ROBO1: variants seen among roughly 807,000 people sequenced by gnomAD.
The protein encoded by ROBO1 is roundabout guidance receptor 1, also known as roundabout homolog 1.
In ROBO1, 149 loss-of-function variants were observed where a neutral mutation model predicts 195.9. That is an observed-to-expected ratio of 0.76 (90% CI 0.67 to 0.87). The LOEUF (loss-of-function observed/expected upper bound fraction) is 0.87, where lower values mean the gene tolerates loss of function less well. Among genes scored for constraint, ROBO1 ranks in the 40% least tolerant of loss-of-function variants. The pLI, the probability that ROBO1 is intolerant of heterozygous loss-of-function variation, is 0.00. For missense variants in ROBO1, 1,933 were observed against 2,068.3 expected (o/e 0.93, Z 1.27); for synonymous variants, 816 against 733.2 (o/e 1.11, Z -1.82).
intron 2 of ROBO1, among the ~76,000 whole-genome samples, chr3:79,363,787 C>T (rs548045373): frequency 2.2e-4 from 34 of 152,288 alleles, no homozygotes; most frequent in African/African-American, 7.9e-4. Flanking sequence ...TTCCTTTCTT[C>T]ATTGTGACTT....
intron 2 of ROBO1, among the ~76,000 whole-genome samples, chr3:79,447,234 A>AGG (rs1215747458): frequency 6.6e-6 from 1 of 152,188 alleles, no homozygotes; most frequent in African/African-American, 2.4e-5. Flanking sequence ...ACAAGCAATA[A>AGG]CATGACATCA....
intron 3 of ROBO1, among the ~76,000 whole-genome samples, chr3:79,020,023 A>G (rs2078066129): frequency 6.6e-6 from 1 of 152,214 alleles, no homozygotes; most frequent in Non-Finnish European, 1.5e-5. Context: ...CATAAGGCAC[A>G]GGGTTGGGCC....
At chr3:79,278,105 C>T (rs1488962626) in intron 2 of ROBO1, among the ~76,000 whole-genome samples, 3 of 151,622 alleles carry the variant, frequency 2.0e-5, no homozygotes, top group African/African-American at 4.8e-5. Flanking sequence ...ATAAATTTAG[C>T]AAGGAGATGA....
At chr3:78,745,263 G>A (rs538636792) in intron 5 of ROBO1, among the ~76,000 whole-genome samples, 2 of 148,010 alleles carry the variant, frequency 1.4e-5, no homozygotes, top group South Asian at 2.1e-4. Context: ...AGCCGAGATC[G>A]TGCCACTGCA....
intron 2 of ROBO1, among the ~76,000 whole-genome samples, chr3:79,350,465 G>C (rs992117688): frequency 3.9e-5 from 6 of 152,116 alleles, no homozygotes; most frequent in Non-Finnish European, 7.4e-5. Flanking sequence ...ATGAAAACAT[G>C]TCCATATAAA....
intron 3 of ROBO1, among the ~76,000 whole-genome samples, chr3:79,098,480 G>T (rs1473970280): frequency 2.6e-5 from 4 of 151,762 alleles, no homozygotes; most frequent in Non-Finnish European, 5.9e-5. Context: ...ATTCTCAGGG[G>T]CTGTCTGTCT....
intron 5 of ROBO1, among the ~76,000 whole-genome samples, chr3:78,735,474 A>G (rs2082372998): frequency 6.6e-6 from 1 of 152,142 alleles, no homozygotes; most frequent in Admixed American, 6.5e-5. Flanking sequence ...TACTATTTAA[A>G]TTGCTGCAAT....
At chr3:79,322,132 A>G (rs1423676173) in intron 2 of ROBO1, among the ~76,000 whole-genome samples, 1 of 152,140 alleles carries the variant, frequency 6.6e-6, no homozygotes, top group Non-Finnish European at 1.5e-5. Context: ...TACTTAAACA[A>G]ATTATGCTAT....
chr3:78,778,704 T>C (rs2083578912), intron 4 of ROBO1, among the ~76,000 whole-genome samples: 1 of 152,136 alleles, frequency 6.6e-6, no homozygotes, highest in Non-Finnish European at 1.5e-5. Context: ...AAGTAATTTA[T>C]AGATTCAACG....
chr3:79,523,461 C>CTTTTTTTTTTTTTTTTTTTTTTTTTT (rs11357931), intron 2 of ROBO1, among the ~76,000 whole-genome samples: 1 of 134,822 alleles, frequency 7.4e-6, no homozygotes, highest in African/African-American at 2.8e-5. Context: ...ATTTTTCTTT[C>CTTTTTTTTTTTTTTTTTTTTTTTTTT]TTTTTTTTTT....
At chr3:78,718,720 A>G (rs893816386) in intron 5 of ROBO1, among the ~76,000 whole-genome samples, 3 of 151,454 alleles carry the variant, frequency 2.0e-5, no homozygotes, top group African/African-American at 4.9e-5. Flanking sequence ...TTATTAGGGA[A>G]AATTTCCAGA....
intron 28 of ROBO1, among the ~76,000 whole-genome samples, chr3:78,609,090 A>G (rs1278959769): frequency 6.6e-6 from 1 of 152,216 alleles, no homozygotes; most frequent in Non-Finnish European, 1.5e-5. Context: ...TAGAAATGGT[A>G]ACGTTTTCAC....
chr3:78,635,674 A>G, intron 23 of ROBO1, 99 bp downstream of exon 23: 2 of 1,075,204 alleles, frequency 1.9e-6, no homozygotes, highest in Non-Finnish European at 2.6e-6. Context: ...CGACAGAAGA[A>G]AAGATTTTAC....
chr3:78,926,988 A>C, intron 4 of ROBO1, among the ~76,000 whole-genome samples: 1 of 148,774 alleles, frequency 6.7e-6, no homozygotes, highest in Non-Finnish European at 1.5e-5. Flanking sequence ...AGAATATTTC[A>C]AAAAAAAAAG....
chr3:79,168,251 C>A (rs1282482734), intron 2 of ROBO1, among the ~76,000 whole-genome samples: 1 of 152,104 alleles, frequency 6.6e-6, no homozygotes, highest in African/African-American at 2.4e-5. Flanking sequence ...CTTTAGTCAT[C>A]GCCCTGCTAA....
At chr3:78,983,105 C>T (rs2077034783) in intron 3 of ROBO1, among the ~76,000 whole-genome samples, 1 of 152,074 alleles carries the variant, frequency 6.6e-6, no homozygotes, top group Non-Finnish European at 1.5e-5. Flanking sequence ...GATGGGGTAT[C>T]ACCATGTTAC....
intron 28 of ROBO1, among the ~76,000 whole-genome samples, chr3:78,610,213 T>C (rs1371682681): frequency 6.6e-6 from 1 of 152,186 alleles, no homozygotes; most frequent in Non-Finnish European, 1.5e-5. Context: ...AGATCGACAG[T>C]GTCACAAGTG....
chr3:79,606,212 G>C (rs1342688923), intron 1 of ROBO1, among the ~76,000 whole-genome samples: 1 of 151,750 alleles, frequency 6.6e-6, no homozygotes, highest in Non-Finnish European at 1.5e-5. Flanking sequence ...AAAGACTAGA[G>C]ATCTAATGTA....
chr3:79,508,218 C>T (rs1412551404), intron 2 of ROBO1, among the ~76,000 whole-genome samples: 3 of 151,924 alleles, frequency 2.0e-5, no homozygotes, highest in Non-Finnish European at 4.4e-5. Flanking sequence ...CAAACCTGCA[C>T]GTTGTGCACA....
Sources: gnomAD v4.1 joint callset for allele counts (sites outside exome capture counted in the v4.1 genomes callset) on GRCh38, gnomAD v4.1.1 for gene constraint, MANE v1.5 for transcripts, NCBI Gene and HGNC (gene_info 2026-07-23, HGNC 2026-07-21) for gene names.